NRXN1: variants seen among roughly 807,000 people sequenced by gnomAD.
The protein encoded by NRXN1 is neurexin-1.
A neutral mutation model predicts 150.9 loss-of-function variants in NRXN1; 39 were observed. The observed-to-expected ratio is 0.26, with a 90% CI of 0.20 to 0.34. The LOEUF (loss-of-function observed/expected upper bound fraction) is 0.34. NRXN1 is among the 10% of genes least tolerant of loss of function. The probability of loss-of-function intolerance (pLI) is 1.00; values close to 1 mark genes in which losing one functional copy is unlikely to be tolerated. For synonymous variants in NRXN1, 924 were observed against 757.0 expected (o/e 1.22, Z -3.62); for missense variants, 1,815 against 1,949.9 (o/e 0.93, Z 1.30).
At chr2:50,663,211 A>ATT (rs1248334139) in intron 5 of NRXN1, among the ~76,000 whole-genome samples, 9 of 151,938 alleles carry the variant, frequency 5.9e-5, no homozygotes, top group African/African-American at 2.2e-4. Flanking sequence ...TACTATACAT[A>ATT]TTTTTTCTGC....
intron 5 of NRXN1, among the ~76,000 whole-genome samples, chr2:50,684,474 C>A (rs1284131792): frequency 6.6e-6 from 1 of 152,030 alleles, no homozygotes; most frequent in Non-Finnish European, 1.5e-5. Context: ...TACACTGCAG[C>A]CTGGGTGACA....
chr2:50,901,663 C>A (rs755500125), intron 5 of NRXN1, among the ~76,000 whole-genome samples: 3 of 152,094 alleles, frequency 2.0e-5, no homozygotes, highest in Non-Finnish European at 4.4e-5. Flanking sequence ...ATAAATCTTA[C>A]AATCTTAAAA....
chr2:50,100,592 T>C (rs906470488), intron 18 of NRXN1, among the ~76,000 whole-genome samples: 1 of 152,070 alleles, frequency 6.6e-6, no homozygotes, highest in Admixed American at 6.6e-5. Flanking sequence ...TCTCAAACCA[T>C]TATGAAGTTC....
chr2:50,501,613 T>C (rs910061144), intron 13 of NRXN1, among the ~76,000 whole-genome samples: 7 of 151,874 alleles, frequency 4.6e-5, no homozygotes, highest in African/African-American at 1.7e-4. Flanking sequence ...ATGGTGAATG[T>C]TGTTCCATAA....
intron 21 of NRXN1, among the ~76,000 whole-genome samples, chr2:49,975,298 T>C (rs1446414055): frequency 6.6e-6 from 1 of 152,036 alleles, no homozygotes; most frequent in Admixed American, 6.6e-5. Context: ...GCACTTTTAT[T>C]GCTTTTCATT....
intron 2 of NRXN1, among the ~76,000 whole-genome samples, chr2:50,958,948 T>G (rs758208966): frequency 1.6e-4 from 24 of 152,156 alleles, no homozygotes; most frequent in Non-Finnish European, 3.2e-4. Flanking sequence ...TCCTACTTAA[T>G]TATGATGTGG....
At chr2:50,060,648 C>CA (rs1461475856) in intron 19 of NRXN1, among the ~76,000 whole-genome samples, 2 of 152,114 alleles carry the variant, frequency 1.3e-5, no homozygotes, top group East Asian at 3.9e-4. Flanking sequence ...GGGAGACACC[C>CA]AGTGGGAGGT....
chr2:50,267,042 C>A (rs1030337342), intron 17 of NRXN1, among the ~76,000 whole-genome samples: 21 of 152,200 alleles, frequency 1.4e-4, no homozygotes, highest in Non-Finnish European at 1.5e-5. Flanking sequence ...ACTGCCAGAG[C>A]AATCCCTTGT....
At chr2:50,460,592 A>G (rs62134978) in intron 17 of NRXN1, among the ~76,000 whole-genome samples, 64 of 152,218 alleles carry the variant, frequency 4.2e-4, no homozygotes, top group Non-Finnish European at 6.5e-4. Context: ...CAATTCTAAA[A>G]AGAAGAACAA....
In NRXN1 at chr2:50,190,028, T is replaced by C. The variant is rs574866814; in HGVS notation, c.3546+46761A>G. On this transcript the variant is annotated intron_variant, in intron 18 of 22. Transcript: ENST00000401669. ...AAAGGCTGAAAGAATCAGAAATGAG[T>C]TCTAATACTATGTCATTGATAAACA... Among the ~76,000 whole-genome samples the C allele has an allele frequency of 6.2e-4, 94 of 152,168 alleles. 1 individual carries two copies. Among genetic ancestry groups the C allele is most frequent in the African/African-American group, 1.8e-3 (73 of 41,520 alleles).
At chr2:50,852,354 A>T (rs1674641061) in intron 5 of NRXN1, among the ~76,000 whole-genome samples, 1 of 152,208 alleles carries the variant, frequency 6.6e-6, no homozygotes, top group African/African-American at 2.4e-5. Context: ...TTTTCCTCTG[A>T]CTAATTGAAT....
At chr2:50,465,708 A>T (rs1037612219) in intron 16 of NRXN1, 147 bp from the exon 17 acceptor site, 6 of 694,428 alleles carry the variant, frequency 8.6e-6, no homozygotes, top group Non-Finnish European at 1.3e-5. Flanking sequence ...CACCTGAATT[A>T]GGAACTGAGA....
intron 5 of NRXN1, among the ~76,000 whole-genome samples, chr2:50,639,219 TTTC>T (rs1683692248): frequency 1.0e-5 from 1 of 99,254 alleles, no homozygotes; most frequent in South Asian, 3.9e-4. Context: ...TCTTTCTTTC[TTTC>T]TTTTTTTTTT....
At chr2:50,515,353 T>C (rs566985995) in intron 12 of NRXN1, among the ~76,000 whole-genome samples, 1 of 152,302 alleles carries the variant, frequency 6.6e-6, no homozygotes, top group African/African-American at 2.4e-5. Context: ...CATTATATAT[T>C]ACAATGTAAT....
intron 5 of NRXN1, among the ~76,000 whole-genome samples, chr2:50,884,753 T>C (rs775997731): frequency 2.4e-4 from 36 of 151,516 alleles, no homozygotes; most frequent in Non-Finnish European, 4.7e-4. Flanking sequence ...TAAGTTGCAG[T>C]AACATAGAAA....
At chr2:50,521,591 T>G (rs1349787772) in intron 12 of NRXN1, among the ~76,000 whole-genome samples, 1 of 152,194 alleles carries the variant, frequency 6.6e-6, no homozygotes, top group Non-Finnish European at 1.5e-5. Flanking sequence ...AATCTCCAAA[T>G]TCTTTGACCG....
At chr2:50,431,919 T>C (rs2084999803) in intron 17 of NRXN1, among the ~76,000 whole-genome samples, 1 of 152,238 alleles carries the variant, frequency 6.6e-6, no homozygotes, top group Non-Finnish European at 1.5e-5. Context: ...TAACAATTGT[T>C]GAATCCTATA....
At position 50,826,574 on chromosome 2, in the gene NRXN1, A is replaced by T. The variant is rs140798083; in HGVS notation, c.832+95295T>A. On this transcript the variant is annotated intron_variant, in intron 5 of 22. Transcript: ENST00000401669. ...TACATTTTGGAAGTGACCCTAAGTAATCCTTCAATTGTTGGGGTGATTATG... is the reference window on the plus strand; with the variant it reads ...TACATTTTGGAAGTGACCCTAAGTATTCCTTCAATTGTTGGGGTGATTATG... 1.2e-3 allele frequency among the ~76,000 whole-genome samples: 190 copies of T among 152,258 alleles called. 2 individuals carry two copies. The highest frequency in any genetic ancestry group is 4.5e-3 in the African/African-American group (185 of 41,562).
intron 8 of NRXN1, among the ~76,000 whole-genome samples, chr2:50,613,556 G>GC (rs1299036882): frequency 2.0e-5 from 3 of 152,296 alleles, no homozygotes; most frequent in Admixed American, 1.3e-4. Flanking sequence ...TATCAGCCTG[G>GC]CCAATGCATG....
Sources: gnomAD v4.1 joint callset for allele counts (sites outside exome capture counted in the v4.1 genomes callset) on GRCh38, gnomAD v4.1.1 for gene constraint, MANE v1.5 for transcripts, NCBI Gene and HGNC (gene_info 2026-07-23, HGNC 2026-07-21) for gene names.